GTF2E1: variants seen among roughly 807,000 people sequenced by gnomAD.
GTF2E1 encodes general transcription factor IIE subunit 1.
Under a neutral mutation model 34.9 loss-of-function variants are expected in GTF2E1, and 14 were observed. The observed-to-expected ratio is 0.40, with a 90% confidence interval of 0.27 to 0.63. The LOEUF is 0.63. GTF2E1 is among the 20% of genes least tolerant of loss of function. GTF2E1 has a pLI of 0.39. For synonymous variants in GTF2E1, 188 were observed against 192.9 expected (o/e 0.97, Z 0.21); for missense variants, 469 against 557.7 (o/e 0.84, Z 1.60).
At chr3:120,770,300 A>G (rs765937976) in intron 2 of GTF2E1, among the ~76,000 whole-genome samples, 1 of 152,176 alleles carries the variant, frequency 6.6e-6, no homozygotes, top group Non-Finnish European at 1.5e-5. Context: ...AATGTTCAGG[A>G]TGACTAGAAA....
chr3:120,771,186 C>T (rs1056171128), intron 3 of GTF2E1, among the ~76,000 whole-genome samples: 4 of 152,086 alleles, frequency 2.6e-5, no homozygotes, highest in African/African-American at 9.7e-5. Flanking sequence ...ACTCATTCTG[C>T]TTGGGACTGC....
chr3:120,767,733 T>C (rs753911416), intron 2 of GTF2E1, among the ~76,000 whole-genome samples: 54 of 152,194 alleles, frequency 3.5e-4, no homozygotes, highest in Non-Finnish European at 5.7e-4. Context: ...TTAGTAATAA[T>C]GTTAAAGCTG....
In GTF2E1 at chr3:120,781,392, A is replaced by T; in HGVS notation, c.1242A>T (p.Leu414=). 6.2e-7 allele frequency: 1 copy of T among 1,614,008 alleles called. No homozygotes were observed. The highest frequency in any genetic ancestry group is 2.2e-5 in the East Asian group (1 of 44,872). The change falls in exon 5 of 5, where the codon CTA becomes CTT. Residue 414 remains leucine, a synonymous_variant. Coordinates refer to ENST00000283875, the MANE Select transcript of GTF2E1 (RefSeq NM_005513.3). ...GTGAAGTGAGCCAACGGCCAGAGCT[A>T]GTGGCCCAGATGACACCAGAAGAAA... is the stretch of plus-strand genomic sequence containing the variant. ...SYSEVSQRPE[L]VAQMTPEEKE... is the part of the protein sequence containing the mutation.
intron 2 of GTF2E1, among the ~76,000 whole-genome samples, chr3:120,766,812 C>T (rs1040941884): frequency 1.3e-5 from 2 of 152,122 alleles, no homozygotes; most frequent in Non-Finnish European, 2.9e-5. Context: ...CACCACCACT[C>T]TCTCAGTAGC....
chr3:120,771,590 A>G (rs1214061138), intron 3 of GTF2E1, among the ~76,000 whole-genome samples: 1 of 152,032 alleles, frequency 6.6e-6, no homozygotes, highest in African/African-American at 2.4e-5. Flanking sequence ...TCCCAGCATC[A>G]AGTAAGGGAT....
intron 1 of GTF2E1, among the ~76,000 whole-genome samples, chr3:120,746,247 A>C (rs945679746): frequency 3.9e-5 from 6 of 152,212 alleles, no homozygotes; most frequent in African/African-American, 1.4e-4. Context: ...ATGATTCTCC[A>C]TTGAAATAGT....
At chr3:120,762,461 T>G (rs1709272531) in intron 2 of GTF2E1, among the ~76,000 whole-genome samples, 1 of 152,208 alleles carries the variant, frequency 6.6e-6, no homozygotes, top group African/African-American at 2.4e-5. Context: ...CTCTTTACCA[T>G]TATGTAGTGG....
chr3:120,772,949 T>A (rs78702292), intron 3 of GTF2E1, among the ~76,000 whole-genome samples: 5,645 of 152,198 alleles, frequency 0.037, 262 homozygotes, highest in African/African-American at 0.11. Context: ...TCAAGTCATC[T>A]TCTTCTTATC....
chr3:120,743,283 C>T (rs956239607), intron 1 of GTF2E1, among the ~76,000 whole-genome samples: 5 of 152,090 alleles, frequency 3.3e-5, no homozygotes, highest in African/African-American at 9.7e-5. Context: ...GTTTTTTTCT[C>T]CACTCTGCAG....
intron 4 of GTF2E1, among the ~76,000 whole-genome samples, chr3:120,778,763 A>C (rs925388775): frequency 6.6e-6 from 1 of 152,166 alleles, no homozygotes; most frequent in African/African-American, 2.4e-5. Flanking sequence ...AAGACCAAAA[A>C]CTTCTAGAAA....
intron 2 of GTF2E1, among the ~76,000 whole-genome samples, chr3:120,762,162 A>G (rs907732403): frequency 5.3e-5 from 8 of 152,118 alleles, no homozygotes; most frequent in African/African-American, 1.9e-4. Flanking sequence ...AATAATTGTG[A>G]TGTGGTTCTG....
At chr3:120,753,525 G>T (rs1709183296) in intron 2 of GTF2E1, among the ~76,000 whole-genome samples, 1 of 152,016 alleles carries the variant, frequency 6.6e-6, no homozygotes. Flanking sequence ...AGCAATTAGG[G>T]GATATTCAGA....
At chr3:120,764,199 T>A (rs1229922658) in intron 2 of GTF2E1, among the ~76,000 whole-genome samples, 4 of 152,216 alleles carry the variant, frequency 2.6e-5, no homozygotes, top group African/African-American at 9.6e-5. Flanking sequence ...CCTGCTTTTT[T>A]TCCCCTGTAA....
At chr3:120,748,736 T>G (rs1709133316) in intron 1 of GTF2E1, among the ~76,000 whole-genome samples, 1 of 152,222 alleles carries the variant, frequency 6.6e-6, no homozygotes, top group African/African-American at 2.4e-5. Context: ...CAGTGTGGGC[T>G]CTTTTTTGGT....
At position 120,776,302 on chromosome 3, in the gene GTF2E1, A is replaced by G. The variant is rs778158110; in HGVS notation, c.651-121A>G. On this transcript the variant is annotated intron_variant, in intron 3 of 4. Transcript: ENST00000283875. ...CTTGGAATTGTTAAAGCATGTGTGC[A>G]TGATTGCTAGGTAGCATTTACATGT... 1.0e-4 allele frequency: 85 copies of G among 849,160 alleles called. No homozygotes were observed. The Admixed American group carries it at 1.6e-3, about 16-fold the overall frequency. The allele number at this position is 849,160 out of a possible 1,614,324, so 52.6% of individuals were successfully genotyped here.
intron 3 of GTF2E1, among the ~76,000 whole-genome samples, chr3:120,774,988 T>A (rs1709386249): frequency 6.6e-6 from 1 of 152,096 alleles, no homozygotes; most frequent in Non-Finnish European, 1.5e-5. Context: ...CAGGACAGGA[T>A]AGGTGGGATG....
rs781140570 is a variant in GTF2E1 at position 120,751,024 on chromosome 3, T to A, written c.448+24T>A. 2.7e-6 allele frequency: 4 copies of A among 1,472,724 alleles called. No individual in the cohort carries two copies. The South Asian group carries it at 4.8e-5, about 18-fold the overall frequency. 91.2% of individuals were successfully genotyped at this position (1,472,724 alleles called of 1,614,324 possible). A position where few individuals can be genotyped will look rare whatever the true frequency, so the allele number is the denominator to read the frequency against. ...AGGTGAGGTTTATCCAGTTTGTGAA[T>A]CTTTAAAATAAAGTGTGTATTACCT... is the stretch of plus-strand genomic sequence containing the variant. On this transcript the variant is annotated intron_variant, in intron 2 of 4. Transcript: ENST00000283875.
chr3:120,780,542 T>C (rs567830398), intron 4 of GTF2E1, among the ~76,000 whole-genome samples: 2 of 152,018 alleles, frequency 1.3e-5, no homozygotes, highest in African/African-American at 4.8e-5. Context: ...AAGTAAGAGG[T>C]AGATGATCAG....
intron 1 of GTF2E1, among the ~76,000 whole-genome samples, chr3:120,747,393 C>T (rs1055543141): frequency 6.6e-6 from 1 of 151,984 alleles, no homozygotes. Context: ...GCTATCCCTC[C>T]CCGCTCCCTC....
Sources: gnomAD v4.1 joint callset for allele counts (sites outside exome capture counted in the v4.1 genomes callset) on GRCh38, gnomAD v4.1.1 for gene constraint, MANE v1.5 for transcripts, NCBI Gene and HGNC (gene_info 2026-07-23, HGNC 2026-07-21) for gene names.